Variants in MYO9A observed in about 807,000 individuals in gnomAD.
The protein encoded by MYO9A is myosin IXA.
MYO9A carries 103 observed loss-of-function variants against 293.3 expected under a neutral mutation model. That is an observed-to-expected ratio of 0.35 (90% CI 0.30 to 0.41). The LOEUF is 0.41. Ranked by LOEUF, MYO9A falls within the 10% of genes least tolerant of loss-of-function variation. The pLI is 1.00. For synonymous variants in MYO9A, 1,001 were observed against 1,035.7 expected (o/e 0.97, Z 0.64); for missense variants, 2,685 against 3,033.0 (o/e 0.89, Z 2.69).
rs760185913 is a variant in MYO9A at position 71,951,915 on chromosome 15, AC to A, written c.2183-20del. 751 of 1,565,804 alleles carry A rather than the reference AC, an allele frequency of 4.8e-4. No homozygotes were observed. The highest frequency in any genetic ancestry group is 1.7e-3 in the Middle Eastern group (10 of 5,802). ...TCATGTCCTTAGGAAGCAAAAAAAA[AC>A]AAACAAAAAAAAAAGGAGAAAAGAA... On this transcript the variant is annotated intron_variant, in intron 14 of 41. Coordinates refer to ENST00000356056, the MANE Select transcript of MYO9A (RefSeq NM_006901.4).
intron 14 of MYO9A, among the ~76,000 whole-genome samples, chr15:71,955,580 A>G (rs1484028546): frequency 6.6e-6 from 1 of 152,176 alleles, no homozygotes; most frequent in Non-Finnish European, 1.5e-5. Context: ...GGAGTATATC[A>G]CAATTTGGTC....
At chr15:71,871,723 A>G (rs2056520937) in intron 32 of MYO9A, among the ~76,000 whole-genome samples, 1 of 151,476 alleles carries the variant, frequency 6.6e-6, no homozygotes, top group African/African-American at 2.4e-5. Flanking sequence ...GAAAGTAAAA[A>G]AAAATGATAA....
intron 1 of MYO9A, among the ~76,000 whole-genome samples, chr15:72,096,994 A>G (rs2080084312): frequency 6.6e-6 from 1 of 152,224 alleles, no homozygotes; most frequent in Non-Finnish European, 1.5e-5. Context: ...ACTGATGACC[A>G]AAGAAAGTGG....
intron 13 of MYO9A, among the ~76,000 whole-genome samples, chr15:71,967,753 A>G (rs147327973): frequency 6.6e-6 from 1 of 152,334 alleles, no homozygotes; most frequent in Non-Finnish European, 1.5e-5. Flanking sequence ...GTTTATCAGG[A>G]TCAACTGACA....
chr15:72,047,557 T>C (rs1479988186), intron 1 of MYO9A, among the ~76,000 whole-genome samples: 1 of 152,078 alleles, frequency 6.6e-6, no homozygotes, highest in Non-Finnish European at 1.5e-5. Context: ...CTTTACCTCA[T>C]CTATCTTATT....
intron 13 of MYO9A, 153 bp from the exon 14 acceptor site, chr15:71,960,249 T>A (rs1403308224): frequency 1.5e-6 from 1 of 650,474 alleles, no homozygotes; most frequent in Non-Finnish European, 2.6e-6. Context: ...TAGGAGGTGT[T>A]TGGGTCATGG....
At chr15:71,949,602 C>A (rs1029834669) in intron 15 of MYO9A, among the ~76,000 whole-genome samples, 23 of 151,760 alleles carry the variant, frequency 1.5e-4, no homozygotes, top group Middle Eastern at 3.2e-3. Flanking sequence ...AGCAAACTTG[C>A]ATAGCTCAGC....
intron 1 of MYO9A, among the ~76,000 whole-genome samples, chr15:72,105,600 C>G (rs557531896): frequency 6.6e-6 from 1 of 151,312 alleles, no homozygotes; most frequent in Non-Finnish European, 1.5e-5. Context: ...TTCCGCCTCC[C>G]AGGTTGAAGC....
At chr15:71,926,723 T>A (rs1412966130) in intron 18 of MYO9A, among the ~76,000 whole-genome samples, 3 of 152,176 alleles carry the variant, frequency 2.0e-5, no homozygotes, top group Non-Finnish European at 4.4e-5. Context: ...ACACAAGCTA[T>A]CTTGATGCCA....
chr15:71,841,488 T>A (rs2141011413), intron 39 of MYO9A, among the ~76,000 whole-genome samples: 1 of 152,290 alleles, frequency 6.6e-6, no homozygotes, highest in Non-Finnish European at 1.5e-5. Context: ...TCTCCACAGA[T>A]CAACAAACAT....
intron 12 of MYO9A, among the ~76,000 whole-genome samples, chr15:71,975,303 CGT>C (rs3028361): frequency 1.3e-4 from 19 of 143,664 alleles, no homozygotes; most frequent in African/African-American, 4.9e-4. Flanking sequence ...ATGATTTTAT[CGT>C]GTGTGTGTGT....
rs1200915539 is a variant in MYO9A at position 71,893,034 on chromosome 15, G to A, written c.5142+645C>T. 2.3e-6 allele frequency: 3 copies of A among 1,289,826 alleles called. No homozygotes were observed. The East Asian group carries it at 1.7e-4, about 72-fold the overall frequency. The allele number at this position is 1,289,826 out of a possible 1,614,324, so 79.9% of individuals were successfully genotyped here. ...GCCCTAGCTCACAGTGAGAAGCTTG[G>A]TCAAGGGAGAGAAGGGGCTCAATAA... is the stretch of plus-strand genomic sequence containing the variant. On this transcript the variant is annotated intron_variant, in intron 26 of 41. Coordinates refer to ENST00000356056, the MANE Select transcript of MYO9A (RefSeq NM_006901.4).
chr15:72,077,752 A>AAT (rs60977581), intron 1 of MYO9A, among the ~76,000 whole-genome samples: 213 of 72,442 alleles, frequency 2.9e-3, no homozygotes, highest in East Asian at 0.017. Flanking sequence ...AAAAAAAAAA[A>AAT]ATATATATAT....
At chr15:71,835,030 A>T (rs923879153) in intron 39 of MYO9A, among the ~76,000 whole-genome samples, 2 of 152,138 alleles carry the variant, frequency 1.3e-5, no homozygotes, top group African/African-American at 4.8e-5. Context: ...GTAATGTGTC[A>T]TATCAATGCA....
chr15:71,863,597 A>C (rs765705238), intron 32 of MYO9A, among the ~76,000 whole-genome samples: 3 of 152,210 alleles, frequency 2.0e-5, no homozygotes, highest in African/African-American at 4.8e-5. Context: ...AGTTTGAAAT[A>C]TATAAAGAAA....
chr15:71,919,017 G>C (rs2058083559), intron 18 of MYO9A, among the ~76,000 whole-genome samples: 2 of 152,108 alleles, frequency 1.3e-5, no homozygotes, highest in African/African-American at 4.8e-5. Context: ...GAAAACTCTT[G>C]CTTAAATACT....
intron 1 of MYO9A, among the ~76,000 whole-genome samples, chr15:72,116,214 C>T (rs531286953): frequency 1.3e-5 from 2 of 152,092 alleles, no homozygotes; most frequent in Non-Finnish European, 2.9e-5. Context: ...ATTACTCTTC[C>T]GAAACTTTTG....
At chr15:72,020,335 T>A (rs1228328263) in intron 5 of MYO9A, among the ~76,000 whole-genome samples, 8 of 152,184 alleles carry the variant, frequency 5.3e-5, no homozygotes. Flanking sequence ...TAAGAATTAC[T>A]CCTCAATGTG....
rs1366444196 is a variant in MYO9A at position 71,978,301 on chromosome 15, AC to A, written c.1723-10del. ...TCAGTTCTATATTCCTCCTAGAAAA[AC>A]CAAAAAATAAAATAACAATTTATTC... On this transcript the variant is annotated splice_polypyrimidine_tract_variant and intron_variant, in intron 11 of 41. Coordinates refer to ENST00000356056, the MANE Select transcript of MYO9A (RefSeq NM_006901.4). 1 of 1,592,750 alleles carries A rather than the reference AC, an allele frequency of 6.3e-7. No individual in the cohort carries two copies. The highest frequency in any genetic ancestry group is 1.4e-5 in the African/African-American group (1 of 73,650).
Sources: allele counts gnomAD v4.1 joint callset (sites outside exome capture counted in the v4.1 genomes callset), GRCh38; gene constraint gnomAD v4.1.1; transcripts MANE v1.5; gene names NCBI Gene and HGNC (gene_info 2026-07-23, HGNC 2026-07-21).